CELF4: variants seen among roughly 807,000 people sequenced by gnomAD.
CELF4 encodes CUG-BP- and ETR-3-like factor 4.
A neutral mutation model predicts 59.9 loss-of-function variants in CELF4; 18 were observed. The observed-to-expected ratio is 0.30, with a 90% CI of 0.21 to 0.45. CELF4 has a LOEUF of 0.45. Ranked by LOEUF, CELF4 falls within the 20% of genes least tolerant of loss-of-function variation. CELF4 has a pLI of 1.00. For synonymous variants in CELF4, 261 were observed against 267.1 expected (o/e 0.98, Z 0.22); for missense variants, 456 against 689.0 (o/e 0.66, Z 3.79).
At chr18:37,389,288 T>C (rs2099131868) in intron 2 of CELF4, among the ~76,000 whole-genome samples, 1 of 152,086 alleles carries the variant, frequency 6.6e-6, no homozygotes, top group Admixed American at 6.5e-5. Context: ...TCCCTGGGCC[T>C]CCCTAGATCA....
chr18:37,341,643 G>A (rs1208098102), intron 2 of CELF4, among the ~76,000 whole-genome samples: 5 of 152,170 alleles, frequency 3.3e-5, no homozygotes, highest in South Asian at 4.1e-4. Context: ...CCCCATGACT[G>A]TGCTCTATCC....
At chr18:37,512,418 C>T (rs1471567396) in intron 1 of CELF4, among the ~76,000 whole-genome samples, 1 of 151,784 alleles carries the variant, frequency 6.6e-6, no homozygotes, top group Non-Finnish European at 1.5e-5. Flanking sequence ...CTTCTTTTCT[C>T]TTTCCTTTCT....
chr18:37,302,528 G>A (rs1464094308), intron 3 of CELF4, among the ~76,000 whole-genome samples: 2 of 152,132 alleles, frequency 1.3e-5, no homozygotes, highest in African/African-American at 4.8e-5. Flanking sequence ...CACCTATGAG[G>A]GAGGATGCAC....
chr18:37,546,636 C>T (rs1041065306), intron 1 of CELF4, among the ~76,000 whole-genome samples: 4 of 152,212 alleles, frequency 2.6e-5, no homozygotes, highest in African/African-American at 9.6e-5. Context: ...CCCTCTCTTT[C>T]CAGAACAGCG....
At chr18:37,346,378 G>A (rs2098259411) in intron 2 of CELF4, among the ~76,000 whole-genome samples, 1 of 151,982 alleles carries the variant, frequency 6.6e-6, no homozygotes, top group Non-Finnish European at 1.5e-5. Context: ...GGGGAGAAGT[G>A]GGGAATGAAT....
chr18:37,393,010 C>T (rs1002176191), intron 2 of CELF4, among the ~76,000 whole-genome samples: 1 of 152,178 alleles, frequency 6.6e-6, no homozygotes, highest in Admixed American at 6.5e-5. Context: ...AGCATGGGGC[C>T]TGACACCAGC....
intron 2 of CELF4, among the ~76,000 whole-genome samples, chr18:37,441,953 C>CGGTGTGT (rs2099727004): frequency 2.0e-5 from 3 of 151,590 alleles, no homozygotes; most frequent in African/African-American, 7.3e-5. Context: ...CTAGATGACA[C>CGGTGTGT]CGTGCGTCAC....
At chr18:37,337,286 T>A (rs115454158) in intron 2 of CELF4, among the ~76,000 whole-genome samples, 13 of 152,242 alleles carry the variant, frequency 8.5e-5, no homozygotes, top group African/African-American at 3.1e-4. Context: ...CTGCCTCCCA[T>A]GGTGAGCCTC....
intron 1 of CELF4, among the ~76,000 whole-genome samples, chr18:37,528,380 TG>T (rs2099966050): frequency 6.6e-6 from 1 of 152,156 alleles, no homozygotes; most frequent in Non-Finnish European, 1.5e-5. Context: ...ATATTGACTG[TG>T]TGTGGTTTGT....
intron 3 of CELF4, among the ~76,000 whole-genome samples, chr18:37,307,674 G>A (rs1450247529): frequency 1.3e-5 from 2 of 152,060 alleles, no homozygotes; most frequent in South Asian, 2.1e-4. Flanking sequence ...GGACGTCTGC[G>A]TAGAGATGGG....
chr18:37,343,705 C>T (rs1377280303), intron 2 of CELF4, among the ~76,000 whole-genome samples: 1 of 152,116 alleles, frequency 6.6e-6, no homozygotes, highest in Non-Finnish European at 1.5e-5. Context: ...GGGCATGCTG[C>T]ATCCTCCTCC....
chr18:37,319,871 A>G (rs2097030065), intron 3 of CELF4, among the ~76,000 whole-genome samples: 2 of 152,302 alleles, frequency 1.3e-5, no homozygotes, highest in African/African-American at 2.4e-5. Flanking sequence ...AGGGTGTGGC[A>G]GGGTTGGCAG....
intron 1 of CELF4, among the ~76,000 whole-genome samples, chr18:37,513,697 C>CAGGA (rs2099947169): frequency 6.6e-6 from 1 of 152,172 alleles, no homozygotes; most frequent in Non-Finnish European, 1.5e-5. Flanking sequence ...CCAGATTGTC[C>CAGGA]ATGCTCATCC....
chr18:37,394,362 C>T (rs1321206665), intron 2 of CELF4, among the ~76,000 whole-genome samples: 1 of 152,202 alleles, frequency 6.6e-6, no homozygotes, highest in African/African-American at 2.4e-5. Context: ...TGACCTTAGA[C>T]CTGGCCGGCG....
intron 2 of CELF4, among the ~76,000 whole-genome samples, chr18:37,475,616 C>T (rs747345740): frequency 1.3e-5 from 2 of 152,052 alleles, no homozygotes; most frequent in African/African-American, 4.8e-5. Context: ...TTCTAGGGAG[C>T]GGGGAAGCTG....
intron 2 of CELF4, among the ~76,000 whole-genome samples, chr18:37,470,918 G>GAGAGAGAC (rs2099821671): frequency 6.7e-6 from 1 of 150,188 alleles, no homozygotes; most frequent in Non-Finnish European, 1.5e-5. Flanking sequence ...GAGAGAGAGA[G>GAGAGAGAC]AGGTGGAGCC....
intron 10 of CELF4, 104 bp downstream of exon 10, chr18:37,264,570 G>A (rs1439207207): frequency 5.5e-6 from 5 of 909,930 alleles, no homozygotes; most frequent in African/African-American, 3.3e-5. Flanking sequence ...GCACACAAAC[G>A]TGGTCACCTT....
intron 1 of CELF4, among the ~76,000 whole-genome samples, chr18:37,549,830 A>G (rs1277172917): frequency 6.6e-6 from 1 of 152,142 alleles, no homozygotes; most frequent in Non-Finnish European, 1.5e-5. Context: ...ATGCAGTATA[A>G]CCTATCACTT....
intron 2 of CELF4, among the ~76,000 whole-genome samples, chr18:37,413,303 T>A (rs2099491413): frequency 6.6e-6 from 1 of 152,194 alleles, no homozygotes; most frequent in Admixed American, 6.5e-5. Context: ...CGTTTGTTCA[T>A]GTGGGTTCCT....
Sources: gnomAD v4.1 joint callset for allele counts (sites outside exome capture counted in the v4.1 genomes callset) on GRCh38, gnomAD v4.1.1 for gene constraint, MANE v1.5 for transcripts, NCBI Gene and HGNC (gene_info 2026-07-23, HGNC 2026-07-21) for gene names.